The following ERC1 variants were observed in gnomAD, a reference collection of about 807,000 sequenced individuals.
The protein encoded by ERC1 is RAB6 interacting protein 2.
In ERC1, 56 loss-of-function variants were observed where a neutral mutation model predicts 132.0. That is an observed-to-expected ratio of 0.42 (90% confidence interval 0.34 to 0.53). The LOEUF (loss-of-function observed/expected upper bound fraction) is 0.53, where lower values mean the gene tolerates loss of function less well. Among genes scored for constraint, ERC1 ranks in the 20% least tolerant of loss-of-function variants. The probability of loss-of-function intolerance (pLI) is 0.03; values close to 1 mark genes in which losing one functional copy is unlikely to be tolerated. For synonymous variants in ERC1, 478 were observed against 476.1 expected, an observed-to-expected ratio of 1.00 and a Z score of -0.05; for missense variants, 1,202 against 1,349.9, an observed-to-expected ratio of 0.89 and a Z score of 1.72.
intron 2 of ERC1, among the ~76,000 whole-genome samples, chr12:1,060,602 C>T (rs1036918931): frequency 3.9e-5 from 6 of 152,170 alleles, no homozygotes; most frequent in South Asian, 2.1e-4. Context: ...GAAGCAAAAG[C>T]GGAAACCCCT....
chr12:1,416,414 G>T (rs547287908), intron 17 of ERC1, among the ~76,000 whole-genome samples: 25 of 152,288 alleles, frequency 1.6e-4, no homozygotes, highest in African/African-American at 6.0e-4. Context: ...AATATGATGT[G>T]TAGGGGCTGG....
intron 15 of ERC1, among the ~76,000 whole-genome samples, chr12:1,339,819 G>T (rs1477343850): frequency 6.6e-6 from 1 of 152,108 alleles, no homozygotes; most frequent in Non-Finnish European, 1.5e-5. Flanking sequence ...TCTGTGCCTG[G>T]TTTCACTCCT....
intron 17 of ERC1, among the ~76,000 whole-genome samples, chr12:1,425,975 A>T (rs2092623422): frequency 6.6e-6 from 1 of 152,184 alleles, no homozygotes; most frequent in African/African-American, 2.4e-5. Flanking sequence ...ATGAATGTGA[A>T]AGTAGTTTGT....
intron 11 of ERC1, among the ~76,000 whole-genome samples, chr12:1,184,763 G>GT (rs949569870): frequency 2.6e-5 from 4 of 151,940 alleles, no homozygotes; most frequent in Non-Finnish European, 4.4e-5. Context: ...TTTTTTCTTT[G>GT]TTTTTTAGAG....
chr12:1,116,858 GGCATGAGCCA>G (rs1241705043), intron 7 of ERC1, among the ~76,000 whole-genome samples: 1 of 152,198 alleles, frequency 6.6e-6, no homozygotes, highest in African/African-American at 2.4e-5. Flanking sequence ...TGGGATTACA[GGCATGAGCCA>G]CCATGCCCGG....
At position 1,289,090 on chromosome 12, in the gene ERC1, C is replaced by T. The variant is rs1354632178; in HGVS notation, c.2620-762C>T. Reference sequence around the variant, plus strand: ...CTCCTTTCTATCTGGTATGTACACACACACACACACACACACACACACACA... The same window carrying T: ...CTCCTTTCTATCTGGTATGTACACATACACACACACACACACACACACACA... On this transcript the variant is annotated intron_variant, in intron 14 of 18. Coordinates refer to ENST00000360905, the MANE Select transcript of ERC1 (RefSeq NM_178040.4). 2.7e-3 allele frequency among the ~76,000 whole-genome samples: 279 copies of T among 101,996 alleles called. 3 individuals are homozygous for T. The highest frequency in any genetic ancestry group is 0.012 in the African/African-American group (262 of 21,730). 66.9% of individuals were successfully genotyped at this position (101,996 alleles called of 152,430 possible).
chr12:1,428,466 T>G (rs1490655244), intron 17 of ERC1, among the ~76,000 whole-genome samples: 1 of 152,222 alleles, frequency 6.6e-6, no homozygotes, highest in Non-Finnish European at 1.5e-5. Context: ...AGGCTGATCT[T>G]AGCTCCAGTA....
intron 2 of ERC1, among the ~76,000 whole-genome samples, chr12:1,062,311 G>A (rs1306711114): frequency 1.3e-5 from 2 of 152,002 alleles, no homozygotes; most frequent in African/African-American, 2.4e-5. Context: ...AAATGAAGAC[G>A]GGGTTTTGCC....
chr12:1,265,733 G>A (rs576894827), intron 14 of ERC1, among the ~76,000 whole-genome samples: 4 of 152,042 alleles, frequency 2.6e-5, no homozygotes, highest in African/African-American at 9.6e-5. Flanking sequence ...TTCCTTCCCC[G>A]TCTCCCCAGT....
At chr12:1,408,656 C>T (rs568638451) in intron 17 of ERC1, among the ~76,000 whole-genome samples, 7 of 152,316 alleles carry the variant, frequency 4.6e-5, no homozygotes, top group African/African-American at 1.7e-4. Flanking sequence ...GAGGTTATTT[C>T]TGTTTAGTTG....
At chr12:1,447,818 T>C (rs1565460208) in intron 18 of ERC1, among the ~76,000 whole-genome samples, 1 of 151,872 alleles carries the variant, frequency 6.6e-6, no homozygotes, top group Non-Finnish European at 1.5e-5. Context: ...CCCAGCTGAT[T>C]TTTTGTATTT....
At chr12:1,021,457 C>T (rs1329251984) in intron 1 of ERC1, among the ~76,000 whole-genome samples, 3 of 151,618 alleles carry the variant, frequency 2.0e-5, no homozygotes, top group Non-Finnish European at 4.4e-5. Context: ...GCCTGTAATC[C>T]CAGCACTTTG....
At chr12:1,474,870 G>A (rs1371885573) in intron 18 of ERC1, among the ~76,000 whole-genome samples, 1 of 152,118 alleles carries the variant, frequency 6.6e-6, no homozygotes, top group Non-Finnish European at 1.5e-5. Context: ...CCTGCACAGT[G>A]GTAGGGTGAG....
At position 1,494,748 on chromosome 12, in the gene ERC1, C is replaced by A. The variant is rs2094345778; in HGVS notation, c.*4518C>A. 4.3e-6 allele frequency: 1 copy of A among 230,882 alleles called. No individual in the cohort carries two copies. The highest frequency in any genetic ancestry group is 1.8e-4 in the South Asian group (1 of 5,494). The allele number at this position is 230,882 out of a possible 1,614,324, so 14.3% of individuals were successfully genotyped here. On this transcript the variant is annotated 3_prime_UTR_variant, in exon 19 of 19. Transcript: ENST00000360905. The stretch of plus-strand genomic sequence containing the variant: ...GTCTGTGTGATTCAGAGAATTGGGG[C>A]AGTTACATTGTGTCTGTTGTTGAGA...
chr12:1,299,754 A>G (rs1230114934), intron 15 of ERC1, among the ~76,000 whole-genome samples: 1 of 152,182 alleles, frequency 6.6e-6, no homozygotes, highest in Non-Finnish European at 1.5e-5. Flanking sequence ...CAAATGGATC[A>G]AGGGAAACAG....
chr12:1,371,899 C>A lies in ERC1; in HGVS notation c.2847C>A (p.Ser949=). Residue 949 remains serine, a synonymous_variant, in exon 16 of 19, where the codon TCC becomes TCA. Transcript: ENST00000360905. ...ATATAGCTCTCTTGGAGCTTTCGTC[C>A]TCTAAGAAGAAGACCCAAGAGGAAG... ...DANIALLELS[S]SKKKTQEEVA... is the part of the protein sequence containing the mutation. 6.2e-7 allele frequency: 1 copy of A among 1,614,098 alleles called. No homozygotes were observed.
intron 16 of ERC1, among the ~76,000 whole-genome samples, chr12:1,400,707 C>G (rs1441594430): frequency 6.6e-6 from 1 of 151,962 alleles, no homozygotes; most frequent in Admixed American, 6.6e-5. Context: ...ATTAGATTGT[C>G]TTGGTACCCT....
intron 15 of ERC1, among the ~76,000 whole-genome samples, chr12:1,297,027 A>T (rs1403465053): frequency 2.0e-5 from 3 of 151,876 alleles, no homozygotes; most frequent in Non-Finnish European, 2.9e-5. Context: ...TACAAAAAAT[A>T]AAAAAATCAC....
intron 13 of ERC1, chr12:1,244,476 A>G (rs561947076): frequency 4.5e-6 from 2 of 441,280 alleles, no homozygotes; most frequent in Admixed American, 2.4e-5. Flanking sequence ...TAAAATATTC[A>G]TTAAGTGTTT....
Sources: allele counts gnomAD v4.1 joint callset (sites outside exome capture counted in the v4.1 genomes callset), GRCh38; gene constraint gnomAD v4.1.1; transcripts MANE v1.5; gene names NCBI Gene and HGNC (gene_info 2026-07-23, HGNC 2026-07-21).